Variants in FAM107B observed in about 807,000 individuals in gnomAD.
FAM107B encodes family with sequence similarity 107 member B.
Under a neutral mutation model 31.5 loss-of-function variants are expected in FAM107B, and 21 were observed. That is an observed-to-expected ratio of 0.67 (90% CI 0.47 to 0.96). The LOEUF is 0.96. Among genes scored for constraint, FAM107B ranks in the 40% least tolerant of loss-of-function variants. FAM107B has a pLI of 0.00. For missense variants in FAM107B, 452 were observed against 377.1 expected (o/e 1.20, Z -1.64); for synonymous variants, 157 against 141.5 (o/e 1.11, Z -0.78).
At chr10:14,704,278 T>TGTGTGTGTGC (rs2131528032) in intron 1 of FAM107B, among the ~76,000 whole-genome samples, 1 of 151,814 alleles carries the variant, frequency 6.6e-6, no homozygotes, top group African/African-American at 2.4e-5. Flanking sequence ...TCTGTGTGTG[T>TGTGTGTGTGC]GTGTGTGTGT....
rs117104785 is a variant in FAM107B, at chr10:14,628,005, A to T, written c.469+39629T>A. ...GAGTCCATGGTTGGTATAAGCCACA[A>T]TTATTATAAAAAGGTCAATACAGCA... On this transcript the variant is annotated intron_variant, in intron 2 of 4. Transcript: ENST00000181796. 4.6e-3 allele frequency among the ~76,000 whole-genome samples: 706 copies of T among 152,180 alleles called. 4 individuals carry two copies. Among genetic ancestry groups the T allele is most frequent in the Middle Eastern group, 0.01 (3 of 292 alleles).
chr10:14,629,521 A>AT (rs1554842126), intron 2 of FAM107B, among the ~76,000 whole-genome samples: 2,796 of 97,788 alleles, frequency 0.029, 327 homozygotes, highest in African/African-American at 0.11. Flanking sequence ...ATATATATAT[A>AT]TTTTTTTTTG....
intron 2 of FAM107B, chr10:14,604,168 G>C (rs1221746076): frequency 1.5e-5 from 14 of 941,730 alleles, no homozygotes; most frequent in African/African-American, 3.6e-5. Flanking sequence ...AGCCGGGGTC[G>C]GGCAGGGCCG....
chr10:14,547,174 A>G (rs1244867932), intron 2 of FAM107B, among the ~76,000 whole-genome samples: 1 of 152,194 alleles, frequency 6.6e-6, no homozygotes, highest in African/African-American at 2.4e-5. Context: ...AAGCTAAACG[A>G]AGCCAACTTC....
intron 1 of FAM107B, among the ~76,000 whole-genome samples, chr10:14,730,888 G>A (rs1174723683): frequency 6.6e-6 from 1 of 152,106 alleles, no homozygotes; most frequent in Admixed American, 6.5e-5. Context: ...AGCATGAATG[G>A]ACAGTGGACA....
Position 14,557,124 on chromosome 10 carries a change from A to G in FAM107B, c.470-26609T>C, listed in dbSNP as rs17155471. Among the ~76,000 whole-genome samples the G allele has an allele frequency of 2.8e-3, 428 of 152,318 alleles. 12 individuals carry two copies. The East Asian group carries it at 0.056, about 20-fold the overall frequency. On this transcript the variant is annotated intron_variant, in intron 2 of 4. Coordinates refer to ENST00000181796, the MANE Select transcript of FAM107B (RefSeq NM_031453.4). ...ATTTCAACATCACCTTCTCGGATCA[A>G]CAATCCAACACGGGTCCCTCCGTGG...
intron 1 of FAM107B, among the ~76,000 whole-genome samples, chr10:14,684,188 A>T (rs1409454373): frequency 6.6e-6 from 1 of 152,188 alleles, no homozygotes; most frequent in Non-Finnish European, 1.5e-5. Flanking sequence ...ACAGTGGCTC[A>T]CGCCTAGTAA....
intron 1 of FAM107B, among the ~76,000 whole-genome samples, chr10:14,740,341 G>A (rs894250716): frequency 6.6e-6 from 1 of 152,180 alleles, no homozygotes; most frequent in Non-Finnish European, 1.5e-5. Context: ...ATTGCTAAGT[G>A]AAAAGCCAGT....
chr10:14,771,131 T>C (rs1295251910), intron 1 of FAM107B, among the ~76,000 whole-genome samples: 4 of 152,162 alleles, frequency 2.6e-5, no homozygotes, highest in African/African-American at 4.8e-5. Flanking sequence ...AGGGAAAACA[T>C]GCCATTGCAA....
intron 2 of FAM107B, among the ~76,000 whole-genome samples, chr10:14,614,364 G>A (rs1012488066): frequency 3.9e-5 from 6 of 151,960 alleles, no homozygotes; most frequent in African/African-American, 1.4e-4. Context: ...GGGAGCTGCT[G>A]GGAACTGGCA....
At chr10:14,699,617 A>C (rs950122101) in intron 1 of FAM107B, among the ~76,000 whole-genome samples, 1 of 152,206 alleles carries the variant, frequency 6.6e-6, no homozygotes, top group Non-Finnish European at 1.5e-5. Context: ...TACTTTACTC[A>C]GTCCACCAAC....
intron 2 of FAM107B, among the ~76,000 whole-genome samples, chr10:14,628,682 G>C (rs1853241198): frequency 6.6e-6 from 1 of 152,162 alleles, no homozygotes; most frequent in African/African-American, 2.4e-5. Flanking sequence ...TTATTTGTGT[G>C]TTAATATAGG....
chr10:14,677,969 G>A (rs952910636), intron 1 of FAM107B, among the ~76,000 whole-genome samples: 3 of 152,300 alleles, frequency 2.0e-5, no homozygotes, highest in South Asian at 4.1e-4. Flanking sequence ...TTCTGTGTTA[G>A]GCACTGTCTT....
At chr10:14,729,516 G>A (rs1465759729) in intron 1 of FAM107B, among the ~76,000 whole-genome samples, 3 of 151,936 alleles carry the variant, frequency 2.0e-5, no homozygotes, top group Non-Finnish European at 4.4e-5. Context: ...TAAGTATGGA[G>A]CAGATAAAGG....
rs185400458 is a variant in FAM107B, at chr10:14,652,971, C to T, written c.469+14663G>A. On this transcript the variant is annotated intron_variant, in intron 2 of 4. Transcript: ENST00000181796. Reference sequence around the variant, plus strand: ...ATAGCAGTCATGAAACGAATTCAGGCACAGAAAAAAATGTGATGCATGGAC... The same window carrying T: ...ATAGCAGTCATGAAACGAATTCAGGTACAGAAAAAAATGTGATGCATGGAC... 9.2e-5 allele frequency: 14 copies of T among 152,256 alleles called. No individual in the cohort carries two copies. In the East Asian group the frequency reaches 2.7e-3, roughly 29 times the overall value. 9.4% of individuals were successfully genotyped at this position (152,256 alleles called of 1,614,324 possible).
At chr10:14,582,375 C>CTTTTTTTTT (rs71388188) in intron 2 of FAM107B, among the ~76,000 whole-genome samples, 12 of 112,082 alleles carry the variant, frequency 1.1e-4, no homozygotes, top group East Asian at 2.6e-4. Context: ...TTTTTCTTTT[C>CTTTTTTTTT]TTTTTTTTTT....
Position 14,628,112 on chromosome 10 carries a change from G to GTTTTTTTTTTTTTTT in FAM107B, c.469+39507_469+39521dup, listed in dbSNP as rs71505033. On this transcript the variant is annotated intron_variant, in intron 2 of 4. Coordinates refer to ENST00000181796, the MANE Select transcript of FAM107B (RefSeq NM_031453.4). The stretch of plus-strand genomic sequence containing the variant: ...TCCTTGTTTGTTTTTTGTTTTGCTG[G>GTTTTTTTTTTTTTTT]TTTTTTTTTTTTTTTTTTTTTGAGA... Among the ~76,000 whole-genome samples, 40 of 92,682 alleles carry GTTTTTTTTTTTTTTT rather than the reference G, an allele frequency of 4.3e-4. 1 individual carries two copies. Among genetic ancestry groups the GTTTTTTTTTTTTTTT allele is most frequent in the East Asian group, 1.3e-3 (3 of 2,292 alleles). The allele number at this position is 92,682 out of a possible 152,430, so 60.8% of individuals were successfully genotyped here.
intron 1 of FAM107B, chr10:14,723,089 T>A (rs1418935636): frequency 5.3e-6 from 2 of 373,952 alleles, no homozygotes; most frequent in Non-Finnish European, 1.0e-5. Context: ...TTGGCATGTA[T>A]CTTTTTTTCT....
intron 1 of FAM107B, among the ~76,000 whole-genome samples, chr10:14,745,577 G>A (rs1221004207): frequency 6.6e-6 from 1 of 152,156 alleles, no homozygotes; most frequent in Non-Finnish European, 1.5e-5. Context: ...TCATTCAGGA[G>A]CAAATTGTTC....
Sources: allele counts gnomAD v4.1 joint callset (sites outside exome capture counted in the v4.1 genomes callset), GRCh38; gene constraint gnomAD v4.1.1; transcripts MANE v1.5; gene names NCBI Gene and HGNC (gene_info 2026-07-23, HGNC 2026-07-21).